Variants in GABRA3 observed in about 807,000 individuals in gnomAD.
GABRA3 encodes gamma-aminobutyric acid type A receptor subunit alpha3.
A neutral mutation model predicts 30.1 loss-of-function variants in GABRA3; 10 were observed. The observed-to-expected ratio is 0.33, with a 90% CI of 0.20 to 0.56. GABRA3 has a LOEUF of 0.56. Among genes scored for constraint, GABRA3 ranks in the 20% least tolerant of loss-of-function variants. The pLI is 0.89. For missense variants in GABRA3, 233 were observed against 392.0 expected (o/e 0.59, Z 3.42); for synonymous variants, 151 against 146.8 (o/e 1.03, Z -0.21).
intron 6 of GABRA3, among the ~76,000 whole-genome samples, chrX:152,221,354 C>T (rs1937834419): frequency 9.0e-6 from 1 of 111,700 alleles, no homozygotes; most frequent in Non-Finnish European, 1.9e-5. Context: ...CGTTCTCTCT[C>T]TCTCTTCTAT....
At chrX:152,296,341 G>A (rs968973385) in intron 3 of GABRA3, among the ~76,000 whole-genome samples, 5 of 111,928 alleles carry the variant, frequency 4.5e-5, no homozygotes, top group Admixed American at 9.5e-5. Context: ...TTGTTCTCAC[G>A]TTAACGACCT....
At chrX:152,298,322 C>G (rs1939567723) in intron 3 of GABRA3, among the ~76,000 whole-genome samples, 1 of 110,104 alleles carries the variant, frequency 9.1e-6, no homozygotes, top group South Asian at 3.9e-4. Flanking sequence ...TGTGCGGCAC[C>G]CATTAACTCG....
intron 9 of GABRA3, among the ~76,000 whole-genome samples, chrX:152,179,656 G>A (rs1438691871): frequency 9.1e-6 from 1 of 109,794 alleles, no homozygotes; most frequent in South Asian, 4.0e-4. Flanking sequence ...CACCACACCT[G>A]GCTAATTTTT....
chrX:152,300,921 A>G (rs1451076130), intron 3 of GABRA3, among the ~76,000 whole-genome samples: 1 of 111,789 alleles, frequency 8.9e-6, no homozygotes, highest in African/African-American at 3.2e-5. Context: ...AGTTCCAAAA[A>G]GAGAAGAGAA....
intron 5 of GABRA3, among the ~76,000 whole-genome samples, chrX:152,225,967 A>C (rs16996385): frequency 0.022 from 2,459 of 111,094 alleles, 60 homozygotes; most frequent in African/African-American, 0.076. Context: ...ACAGGGCCCA[A>C]GTACTCCTTA....
chrX:152,269,991 T>G (rs1304438363), intron 4 of GABRA3, among the ~76,000 whole-genome samples: 1 of 111,979 alleles, frequency 8.9e-6, no homozygotes, highest in African/African-American at 3.2e-5. Flanking sequence ...AATTGACAAG[T>G]GGATTACATC....
At chrX:152,325,059 G>A (rs1940030873) in intron 3 of GABRA3, among the ~76,000 whole-genome samples, 1 of 111,251 alleles carries the variant, frequency 9.0e-6, no homozygotes, top group South Asian at 3.8e-4. Flanking sequence ...AGAGTATTGT[G>A]TTCTTTACTA....
chrX:152,293,985 CCAAGAGATCCGCTGTTAGT>C (rs1939475039), intron 3 of GABRA3, among the ~76,000 whole-genome samples: 2 of 111,908 alleles, frequency 1.8e-5, no homozygotes, highest in African/African-American at 6.5e-5. Context: ...AGAGTTTCTG[CCAAGAGATCCGCTGTTAGT>C]CTGATGGGCT....
chrX:152,426,963 T>A (rs769846545), intron 1 of GABRA3, among the ~76,000 whole-genome samples: 1 of 111,985 alleles, frequency 8.9e-6, no homozygotes, highest in South Asian at 3.7e-4. Context: ...TTCTTAAAAT[T>A]GTTGAAACAT....
At chrX:152,281,213 C>T (rs2124436836) in intron 4 of GABRA3, among the ~76,000 whole-genome samples, 1 of 111,985 alleles carries the variant, frequency 8.9e-6, no homozygotes, top group Admixed American at 9.5e-5. Context: ...TCTCTGCATT[C>T]TAATTCTTTG....
intron 1 of GABRA3, among the ~76,000 whole-genome samples, chrX:152,446,744 AG>A (rs1178896204): frequency 1.8e-5 from 2 of 111,429 alleles, no homozygotes; most frequent in African/African-American, 6.5e-5. Flanking sequence ...GTGTGGCCTC[AG>A]GCAAATCAAG....
At chrX:152,436,196 G>A (rs751371127) in intron 1 of GABRA3, among the ~76,000 whole-genome samples, 58 of 111,627 alleles carry the variant, frequency 5.2e-4, no homozygotes, top group African/African-American at 1.9e-3. Flanking sequence ...GAAATACAAA[G>A]GACCTAGGAT....
At chrX:152,408,072 T>C (rs1035038275) in intron 1 of GABRA3, among the ~76,000 whole-genome samples, 2 of 110,693 alleles carry the variant, frequency 1.8e-5, no homozygotes, top group Non-Finnish European at 3.8e-5. Flanking sequence ...AAAGAACATA[T>C]CTCAACATGA....
At chrX:152,252,759 G>A (rs1938578546) in intron 5 of GABRA3, among the ~76,000 whole-genome samples, 1 of 111,170 alleles carries the variant, frequency 9.0e-6, no homozygotes, top group South Asian at 3.8e-4. Flanking sequence ...ACTACCTCTG[G>A]TTGGGGAAGT....
chrX:152,325,956 A>C (rs1175481236), intron 3 of GABRA3, among the ~76,000 whole-genome samples: 2 of 111,368 alleles, frequency 1.8e-5, no homozygotes, highest in Non-Finnish European at 1.9e-5. Flanking sequence ...AAAACCTTGA[A>C]AAAAGATTAG....
chrX:152,306,703 G>GA (rs748083496), intron 3 of GABRA3, among the ~76,000 whole-genome samples: 8 of 111,941 alleles, frequency 7.1e-5, no homozygotes, highest in African/African-American at 2.3e-4. Context: ...GAGCCTGTTA[G>GA]AAAAAACAAA....
chrX:152,432,023 C>A (rs1226044383), intron 1 of GABRA3, among the ~76,000 whole-genome samples: 1 of 111,645 alleles, frequency 9.0e-6, no homozygotes, highest in Non-Finnish European at 1.9e-5. Context: ...TAAACTAATA[C>A]AACATGTTAT....
At chrX:152,242,507 C>T (rs1938397298) in intron 5 of GABRA3, among the ~76,000 whole-genome samples, 1 of 111,703 alleles carries the variant, frequency 9.0e-6, no homozygotes, top group Non-Finnish European at 1.9e-5. Context: ...ATATTGCATA[C>T]TATATATCAA....
At position 152,208,096 on chromosome X, in the gene GABRA3, T is replaced by C; in HGVS notation, c.683A>G (p.Asn228Ser). The change falls in exon 7 of 10, where the codon AAC (asparagine) becomes AGC (serine). Residue 228 changes from asparagine (N) to serine (S), a missense_variant. Asn to Ser is a conservative substitution (Grantham distance 46, BLOSUM62 1). Transcript: ENST00000370314. The part of the protein sequence containing the change: ...EVVYSWTLGK[N>S]KSVEVAQDGS... Reference sequence around the variant, plus strand: ...ATCCTGTGCCACTTCCACGGATTTGTTCTTTCCGAGAGTCCAAGAATAAAC... The same window carrying C: ...ATCCTGTGCCACTTCCACGGATTTGCTCTTTCCGAGAGTCCAAGAATAAAC... 8.3e-7 allele frequency: 1 copy of C among 1,211,581 alleles called. No individual in the cohort carries two copies. The highest frequency in any genetic ancestry group is 1.1e-6 in the Non-Finnish European group (1 of 895,035).
Sources: gnomAD v4.1 joint callset for allele counts (sites outside exome capture counted in the v4.1 genomes callset) on GRCh38, gnomAD v4.1.1 for gene constraint, MANE v1.5 for transcripts, NCBI Gene and HGNC (gene_info 2026-07-23, HGNC 2026-07-21) for gene names.